CUX1: variants seen among roughly 807,000 people sequenced by gnomAD.
CUX1 encodes protein CASP.
In CUX1, 31 loss-of-function variants were observed where a neutral mutation model predicts 158.8. The observed-to-expected ratio is 0.20, with a 90% confidence interval of 0.15 to 0.26. The LOEUF (loss-of-function observed/expected upper bound fraction) is 0.26, where lower values mean the gene tolerates loss of function less well. CUX1 is among the 10% of genes least tolerant of loss of function. The probability of loss-of-function intolerance (pLI) is 1.00; values close to 1 mark genes in which losing one functional copy is unlikely to be tolerated. For missense variants in CUX1, 1,589 were observed against 2,014.6 expected (o/e 0.79, Z 4.04); for synonymous variants, 879 against 862.1 (o/e 1.02, Z -0.34).
At position 102,073,478 on chromosome 7, in the gene CUX1, G is replaced by C. The variant is rs1462824622; in HGVS notation, c.268+3061G>C. Among the ~76,000 whole-genome samples the C allele has an allele frequency of 1.1e-4, 17 of 152,204 alleles. No individual in the cohort carries two copies. In the East Asian group the frequency reaches 3.3e-3, roughly 29 times the overall value. ...GTGAGCCACCATGCCCAGCCTAGCT[G>C]CTGTTTTCTAAATAACCTATAATCT... On this transcript the variant is annotated intron_variant, in intron 4 of 23. Coordinates refer to ENST00000292535, the MANE Select transcript of CUX1 (RefSeq NM_181552.4).
chr7:102,112,864 A>G (rs568397188), intron 7 of CUX1, among the ~76,000 whole-genome samples: 9 of 152,272 alleles, frequency 5.9e-5, no homozygotes, highest in Admixed American at 2.6e-4. Context: ...ATCACCATGT[A>G]TTTCATTTAA....
At chr7:102,000,228 G>A (rs77514229) in intron 2 of CUX1, among the ~76,000 whole-genome samples, 5,882 of 85,310 alleles carry the variant, frequency 0.069, 407 homozygotes, top group African/African-American at 0.22. Context: ...AAAAAAAAAA[G>A]AGAGAGAGAG....
intron 5 of CUX1, among the ~76,000 whole-genome samples, chr7:102,098,431 G>A (rs1448457919): frequency 3.3e-5 from 5 of 152,078 alleles, no homozygotes; most frequent in Non-Finnish European, 7.4e-5. Context: ...CGGAAACGTA[G>A]CAATACTCTG....
chr7:102,249,103 CG>C lies in CUX1; in HGVS notation c.*65del. ...CCGCAAGGGCCTGGACGGGGTCGGA[CG>C]GGGCAGGCGCTGCGGACACCGTGGC... is the stretch of plus-strand genomic sequence containing the variant. On this transcript the variant is annotated 3_prime_UTR_variant, in exon 24 of 24. Transcript: ENST00000292535. 2.5e-6 allele frequency: 3 copies of C among 1,201,132 alleles called. No homozygotes were observed. Among genetic ancestry groups the C allele is most frequent in the Non-Finnish European group, 3.1e-6 (3 of 964,020 alleles). The allele number at this position is 1,201,132 out of a possible 1,614,324, so 74.4% of individuals were successfully genotyped here. A position where few individuals can be genotyped will look rare whatever the true frequency, so the allele number is the denominator to read the frequency against.
intron 1 of CUX1, among the ~76,000 whole-genome samples, chr7:101,874,125 CAA>C (rs1258438636): frequency 1.3e-5 from 2 of 152,306 alleles, no homozygotes; most frequent in South Asian, 2.1e-4. Context: ...GCCTGTGAAA[CAA>C]GAGATGCTTC....
At chr7:102,273,441 G>T (rs375278390) in exon 15 of CUX1, 1 of 1,613,268 alleles carries the variant, frequency 6.2e-7, no homozygotes, top group South Asian at 1.1e-5. Flanking sequence ...CTGATCGCCC[G>T]CCTGGAGCAG....
intron 1 of CUX1, among the ~76,000 whole-genome samples, chr7:101,914,384 C>CTCCCTCCCTCTT (rs1803907594): frequency 8.1e-6 from 1 of 123,904 alleles, no homozygotes; most frequent in Admixed American, 7.9e-5. Flanking sequence ...CCCTCCCTCC[C>CTCCCTCCCTCTT]TCCCTCCCTC....
intron 1 of CUX1, among the ~76,000 whole-genome samples, chr7:101,885,883 G>A (rs1562964545): frequency 6.6e-6 from 1 of 152,170 alleles, no homozygotes; most frequent in Non-Finnish European, 1.5e-5. Flanking sequence ...TGTGCTACTC[G>A]GTCTCTCCCC....
At chr7:102,263,331 T>TTTC in intron 14 of CUX1, among the ~76,000 whole-genome samples, 1 of 145,972 alleles carries the variant, frequency 6.9e-6, no homozygotes, top group African/African-American at 2.5e-5. Flanking sequence ...TTTTTTTTTT[T>TTTC]TTGAGATGGA....
At chr7:101,919,780 A>T (rs1299667430) in intron 2 of CUX1, among the ~76,000 whole-genome samples, 4 of 152,208 alleles carry the variant, frequency 2.6e-5, no homozygotes, top group Admixed American at 6.5e-5. Flanking sequence ...CCCTTCCCAG[A>T]TGTCACTGGG....
chr7:102,219,392 C>G (rs906840016), intron 20 of CUX1, among the ~76,000 whole-genome samples: 2 of 152,110 alleles, frequency 1.3e-5, no homozygotes, highest in Admixed American at 6.6e-5. Context: ...TCCCCCACAC[C>G]CCCTACAGAA....
intron 14 of CUX1, 60 bp from the exon 15 acceptor site, chr7:102,196,574 T>C: frequency 7.1e-7 from 1 of 1,399,680 alleles, no homozygotes; most frequent in Non-Finnish European, 9.4e-7. Context: ...ATTTTGGTCT[T>C]GGTTTTTTTT....
rs200091734 is a variant in CUX1, at chr7:102,243,677, TAA to T, written c.3887+4096_3887+4097del. ...ATAATAATAATAATAATAATAATAA[TAA>T]AATAAATGAAGGAGAAGTGAGCATT... On this transcript the variant is annotated intron_variant, in intron 23 of 23. Transcript: ENST00000292535. Among the ~76,000 whole-genome samples the T allele has an allele frequency of 2.9e-5, 4 of 139,052 alleles. No individual in the cohort carries two copies. The East Asian group carries it at 6.1e-4, about 21-fold the overall frequency. 91.2% of individuals were successfully genotyped at this position (139,052 alleles called of 152,430 possible). A position where few individuals can be genotyped will look rare whatever the true frequency, so the allele number is the denominator to read the frequency against.
chr7:102,077,127 A>G (rs797036996), intron 4 of CUX1, among the ~76,000 whole-genome samples: 11 of 152,168 alleles, frequency 7.2e-5, no homozygotes, highest in African/African-American at 2.2e-4. Flanking sequence ...CCACTGGGCA[A>G]TGAGAGTATA....
intron 2 of CUX1, among the ~76,000 whole-genome samples, chr7:101,991,188 C>T (rs1056774530): frequency 5.3e-5 from 8 of 152,060 alleles, no homozygotes; most frequent in African/African-American, 1.4e-4. Context: ...TTAAAAATAC[C>T]GTAAAAAAGA....
intron 19 of CUX1, 152 bp downstream of exon 19, chr7:102,204,708 A>C: frequency 1.0e-6 from 1 of 995,578 alleles, no homozygotes; most frequent in Non-Finnish European, 1.4e-6. Flanking sequence ...GTGCTGGGGG[A>C]CAGAACCGTC....
intron 14 of CUX1, among the ~76,000 whole-genome samples, chr7:102,272,304 C>T (rs1363486892): frequency 1.3e-5 from 2 of 152,214 alleles, no homozygotes; most frequent in East Asian, 3.8e-4. Flanking sequence ...GTCAGCAGGC[C>T]GCGCAGTCAG....
intron 2 of CUX1, among the ~76,000 whole-genome samples, chr7:101,934,647 C>T (rs1410094396): frequency 2.0e-5 from 3 of 152,144 alleles, no homozygotes; most frequent in Non-Finnish European, 4.4e-5. Context: ...TTGCCCGCTC[C>T]GTCCACGTCC....
At chr7:101,945,161 G>T (rs1057387806) in intron 2 of CUX1, among the ~76,000 whole-genome samples, 8 of 152,136 alleles carry the variant, frequency 5.3e-5, no homozygotes, top group Non-Finnish European at 2.9e-5. Context: ...GGTGGATGAG[G>T]TCTTTTGCAG....
Sources: gnomAD v4.1 joint callset for allele counts (sites outside exome capture counted in the v4.1 genomes callset) on GRCh38, gnomAD v4.1.1 for gene constraint, MANE v1.5 for transcripts, NCBI Gene and HGNC (gene_info 2026-07-23, HGNC 2026-07-21) for gene names.